Variants in ENTPD4 observed in about 807,000 individuals in gnomAD.
ENTPD4 encodes ectonucleoside triphosphate diphosphohydrolase 4.
Under a neutral mutation model 79.1 loss-of-function variants are expected in ENTPD4, and 60 were observed. The ratio of observed to expected loss-of-function variants is 0.76; its 90% CI spans 0.62 to 0.94. The LOEUF is 0.94. Among genes scored for constraint, ENTPD4 ranks in the 40% least tolerant of loss-of-function variants. The probability of loss-of-function intolerance (pLI) is 0.00; values close to 1 mark genes in which losing one functional copy is unlikely to be tolerated. For synonymous variants in ENTPD4, 276 were observed against 292.0 expected, an observed-to-expected ratio of 0.95 and a Z score of 0.56; for missense variants, 772 against 775.1, an observed-to-expected ratio of 1.00 and a Z score of 0.05.
chr8:23,441,508 C>A (rs1287005254), intron 8 of ENTPD4, 61 bp downstream of exon 8: 2 of 1,588,824 alleles, frequency 1.3e-6, no homozygotes, highest in East Asian at 2.2e-5. Flanking sequence ...AAAACAAGAA[C>A]GATGGACACA....
chr8:23,435,831 A>G (rs1312904025), intron 10 of ENTPD4, among the ~76,000 whole-genome samples: 1 of 152,258 alleles, frequency 6.6e-6, no homozygotes, highest in Non-Finnish European at 1.5e-5. Context: ...TAAGTCCTAC[A>G]TCTGTGGAGG....
chr8:23,449,225 G>C (rs1800816867), intron 2 of ENTPD4, among the ~76,000 whole-genome samples: 2 of 152,104 alleles, frequency 1.3e-5, no homozygotes, highest in Non-Finnish European at 2.9e-5. Context: ...CTCCAACATA[G>C]ATACAGAATT....
rs184235703 is a variant in ENTPD4 at position 23,434,829 on chromosome 8, A to G, written c.1461-351T>C. On this transcript the variant is annotated intron_variant, in intron 11 of 12. Transcript: ENST00000358689. ...CCTCTTTGTACCTCAGTTTATTATA[A>G]AATGAGATGGTAGGAAGGTTCTCTT... The G allele has an allele frequency of 6.1e-4, 298 of 488,080 alleles. 1 individual carries two copies. Among genetic ancestry groups the G allele is most frequent in the Non-Finnish European group, 7.7e-4 (268 of 346,658 alleles). The allele number at this position is 488,080 out of a possible 1,614,324, so 30.2% of individuals were successfully genotyped here.
chr8:23,446,871 A>C (rs950418930), intron 4 of ENTPD4, among the ~76,000 whole-genome samples: 1 of 152,236 alleles, frequency 6.6e-6, no homozygotes, highest in Non-Finnish European at 1.5e-5. Flanking sequence ...ATATTCTCTA[A>C]TAATTTACCA....
chr8:23,435,281 G>C, intron 11 of ENTPD4, 111 bp downstream of exon 11: 1 of 694,590 alleles, frequency 1.4e-6, no homozygotes, highest in Non-Finnish European at 2.6e-6. Flanking sequence ...TAGATGGGAA[G>C]AACAGTGAGT....
rs772581433 is a variant in ENTPD4 at position 23,431,515 on chromosome 8, G to C, written c.*1411C>G. 1.0e-6 allele frequency: 1 copy of C among 985,190 alleles called. No homozygotes were observed. Among genetic ancestry groups the C allele is most frequent in the Non-Finnish European group, 1.2e-6 (1 of 829,930 alleles). 61.0% of individuals were successfully genotyped at this position (985,190 alleles called of 1,614,324 possible). A position where few individuals can be genotyped will look rare whatever the true frequency, so the allele number is the denominator to read the frequency against. On this transcript the variant is annotated 3_prime_UTR_variant, in exon 13 of 13. Coordinates refer to ENST00000358689, the MANE Select transcript of ENTPD4 (RefSeq NM_004901.5). ...TTTTTAGATTTTGGCTTAAATTGTC[G>C]AATTTTTTCCTTCAAAATGTGAATT...
At position 23,434,487 on chromosome 8, in the gene ENTPD4, G is replaced by A. The variant is rs763029429; in HGVS notation, c.1461-9C>T. 8 of 1,613,500 alleles carry A rather than the reference G, an allele frequency of 5.0e-6. No individual in the cohort carries two copies. The Admixed American group carries it at 5.0e-5, about 10-fold the overall frequency. ...ATTTGAAGCACTGATACCTACAAAC[G>A]GCAAGCACAAAGGCAAGTCAGACTG... On this transcript the variant is annotated splice_polypyrimidine_tract_variant and intron_variant, in intron 11 of 12. Transcript: ENST00000358689.
At chr8:23,446,836 A>C (rs192073989) in intron 4 of ENTPD4, among the ~76,000 whole-genome samples, 84 of 152,364 alleles carry the variant, frequency 5.5e-4, no homozygotes, top group Admixed American at 4.7e-3. Context: ...TGGGGATAAT[A>C]AGCTATAATA....
intron 1 of ENTPD4, among the ~76,000 whole-genome samples, chr8:23,450,889 T>TC (rs772258960): frequency 6.6e-6 from 1 of 152,112 alleles, no homozygotes; most frequent in Non-Finnish European, 1.5e-5. Context: ...TGCAATCTTC[T>TC]CCCCTTTTTC....
Position 23,444,039 on chromosome 8 carries a change from A to C in ENTPD4, c.564-86T>G, listed in dbSNP as rs183443520. On this transcript the variant is annotated intron_variant, in intron 5 of 12. Coordinates refer to ENST00000358689, the MANE Select transcript of ENTPD4 (RefSeq NM_004901.5). Reference sequence around the variant, plus strand: ...AAAAGGAAAAAAATAAACAAACAAAAAACAAAACCAGGGATCTGGTATATC... The same window carrying C: ...AAAAGGAAAAAAATAAACAAACAAACAACAAAACCAGGGATCTGGTATATC... 6.6e-4 allele frequency: 583 copies of C among 887,280 alleles called. 1 individual carries two copies. The highest frequency in any genetic ancestry group is 4.4e-3 in the Admixed American group (167 of 37,886). 55.0% of individuals were successfully genotyped at this position (887,280 alleles called of 1,614,324 possible).
chr8:23,434,068 C>G, intron 12 of ENTPD4: 1 of 472,634 alleles, frequency 2.1e-6, no homozygotes, highest in East Asian at 3.2e-5. Flanking sequence ...GGGGAACAGA[C>G]AGTTGAGAAT....
chr8:23,452,281 A>C (rs552041564), intron 1 of ENTPD4, among the ~76,000 whole-genome samples: 2 of 152,314 alleles, frequency 1.3e-5, no homozygotes, highest in South Asian at 4.1e-4. Flanking sequence ...GGGACTGGCA[A>C]GAAGTCAAGT....
At chr8:23,444,410 C>T (rs368801908) in intron 5 of ENTPD4, 46 bp downstream of exon 5, 79 of 1,574,134 alleles carry the variant, frequency 5.0e-5, no homozygotes, top group Non-Finnish European at 5.9e-5. Context: ...ACCCCCTCTC[C>T]CCTCCAGGAA....
At chr8:23,441,110 G>A (rs1239422377) in intron 8 of ENTPD4, among the ~76,000 whole-genome samples, 3 of 152,182 alleles carry the variant, frequency 2.0e-5, no homozygotes, top group African/African-American at 7.2e-5. Flanking sequence ...GAACAGGGTG[G>A]AGAACAGTTC....
At chr8:23,440,808 C>T (rs1800654872) in intron 8 of ENTPD4, among the ~76,000 whole-genome samples, 1 of 152,110 alleles carries the variant, frequency 6.6e-6, no homozygotes, top group African/African-American at 2.4e-5. Flanking sequence ...ATGAAGAAAC[C>T]AGCTTAAAGA....
At chr8:23,433,718 G>A (rs1322548504) in intron 12 of ENTPD4, among the ~76,000 whole-genome samples, 2 of 152,186 alleles carry the variant, frequency 1.3e-5, no homozygotes, top group Non-Finnish European at 2.9e-5. Context: ...TATCATTAGC[G>A]TTGGCAGCAC....
In ENTPD4 at chr8:23,429,751, G is replaced by C. The variant is rs1350241494; in HGVS notation, c.*3175C>G. 2.1e-5 allele frequency: 21 copies of C among 985,318 alleles called. No individual in the cohort carries two copies. The highest frequency in any genetic ancestry group is 2.5e-5 in the Non-Finnish European group (21 of 829,956). 61.0% of individuals were successfully genotyped at this position (985,318 alleles called of 1,614,324 possible). On this transcript the variant is annotated 3_prime_UTR_variant, in exon 13 of 13. Coordinates refer to ENST00000358689, the MANE Select transcript of ENTPD4 (RefSeq NM_004901.5). ...GGCTGGGCAGGGGCCCCATGTTACT[G>C]GCCTCAGCCACCAGCAGCGTCTTCA...
chr8:23,443,066 C>T (rs961075681), intron 6 of ENTPD4, among the ~76,000 whole-genome samples: 1 of 152,100 alleles, frequency 6.6e-6, no homozygotes, highest in Non-Finnish European at 1.5e-5. Flanking sequence ...CTGCCCCTCC[C>T]TCAGAGCCCC....
At chr8:23,439,049 ATTTT>A (rs919298231) in intron 9 of ENTPD4, among the ~76,000 whole-genome samples, 1 of 152,212 alleles carries the variant, frequency 6.6e-6, no homozygotes, top group Non-Finnish European at 1.5e-5. Flanking sequence ...CCAGATTCAG[ATTTT>A]TTTATTTATC....
Sources: gnomAD v4.1 joint callset for allele counts (sites outside exome capture counted in the v4.1 genomes callset) on GRCh38, gnomAD v4.1.1 for gene constraint, MANE v1.5 for transcripts, NCBI Gene and HGNC (gene_info 2026-07-23, HGNC 2026-07-21) for gene names.